Variants in ME3 observed in about 807,000 individuals in gnomAD.
The protein encoded by ME3 is malic enzyme 3, also known as NADP-dependent malic enzyme, mitochondrial.
Under a neutral mutation model 68.9 loss-of-function variants are expected in ME3, and 48 were observed. That is an observed-to-expected ratio of 0.70 (90% CI 0.55 to 0.89). The LOEUF is 0.89. Among genes scored for constraint, ME3 ranks in the 40% least tolerant of loss-of-function variants. ME3 has a pLI of 0.00. For missense variants in ME3, 675 were observed against 797.4 expected, an observed-to-expected ratio of 0.85 and a Z score of 1.85; for synonymous variants, 320 against 318.8, an observed-to-expected ratio of 1.00 and a Z score of -0.04.
chr11:86,475,682 T>A (rs1241901197), intron 7 of ME3, among the ~76,000 whole-genome samples: 1 of 151,938 alleles, frequency 6.6e-6, no homozygotes, highest in Non-Finnish European at 1.5e-5. Flanking sequence ...AATTTTCTCT[T>A]TGGGTCTCAG....
At chr11:86,443,782 T>G (rs1408386092) in intron 13 of ME3, among the ~76,000 whole-genome samples, 1 of 152,252 alleles carries the variant, frequency 6.6e-6, no homozygotes, top group East Asian at 1.9e-4. Context: ...ACTTCCATCT[T>G]TCTTTTCCAT....
chr11:86,659,449 C>A (rs553463246), intron 2 of ME3, among the ~76,000 whole-genome samples: 19 of 152,144 alleles, frequency 1.2e-4, no homozygotes, highest in Non-Finnish European at 2.8e-4. Flanking sequence ...CCCTCAGGGC[C>A]TCTGAAAACT....
At chr11:86,498,376 G>A (rs1008926389) in intron 5 of ME3, among the ~76,000 whole-genome samples, 4 of 152,198 alleles carry the variant, frequency 2.6e-5, no homozygotes, top group Non-Finnish European at 5.9e-5. Context: ...AGCTTCAGGT[G>A]GGGGCTGCAG....
At chr11:86,668,620 T>G (rs991895197) in intron 2 of ME3, among the ~76,000 whole-genome samples, 2 of 152,156 alleles carry the variant, frequency 1.3e-5, no homozygotes, top group African/African-American at 4.8e-5. Flanking sequence ...GCTTATGAGA[T>G]TCATCACAGA....
intron 2 of ME3, among the ~76,000 whole-genome samples, chr11:86,640,316 G>A (rs538040191): frequency 1.3e-5 from 2 of 152,326 alleles, no homozygotes; most frequent in African/African-American, 4.8e-5. Context: ...ATTGAAAGAA[G>A]GAGAATATGG....
At chr11:86,520,355 G>A (rs936462411) in intron 4 of ME3, among the ~76,000 whole-genome samples, 1 of 152,178 alleles carries the variant, frequency 6.6e-6, no homozygotes, top group Non-Finnish European at 1.5e-5. Flanking sequence ...TCTGCTTTGC[G>A]CCAGGCATTG....
At chr11:86,524,246 A>G (rs1954557742) in intron 4 of ME3, among the ~76,000 whole-genome samples, 1 of 152,234 alleles carries the variant, frequency 6.6e-6, no homozygotes, top group African/African-American at 2.4e-5. Context: ...CAAACATTTG[A>G]TATCCAAAGC....
intron 6 of ME3, among the ~76,000 whole-genome samples, chr11:86,489,999 G>A: frequency 6.6e-6 from 1 of 152,176 alleles, no homozygotes; most frequent in East Asian, 1.9e-4. Context: ...TCAAAGCTGG[G>A]CTGTTGGGTC....
chr11:86,548,602 T>C (rs1956496171), intron 4 of ME3, among the ~76,000 whole-genome samples: 1 of 152,196 alleles, frequency 6.6e-6, no homozygotes. Flanking sequence ...AAAGTATGTG[T>C]TTTCATTTAC....
chr11:86,596,166 T>C (rs1051107859), intron 2 of ME3, among the ~76,000 whole-genome samples: 4 of 152,224 alleles, frequency 2.6e-5, no homozygotes, highest in South Asian at 2.1e-4. Context: ...AATTACATAT[T>C]TGAAGGGATT....
intron 2 of ME3, among the ~76,000 whole-genome samples, chr11:86,669,474 C>A (rs112568887): frequency 1.3e-5 from 2 of 152,072 alleles, no homozygotes; most frequent in Non-Finnish European, 2.9e-5. Flanking sequence ...AAGAAACTTA[C>A]AATCATGGCG....
intron 2 of ME3, among the ~76,000 whole-genome samples, chr11:86,631,269 C>G (rs140681425): frequency 2.0e-5 from 3 of 152,316 alleles, no homozygotes; most frequent in African/African-American, 7.2e-5. Context: ...GCCCAGTGGT[C>G]ACAGTCCCTG....
In ME3 at chr11:86,671,441, G is replaced by T. The variant is rs560542234; in HGVS notation, c.183+321C>A. Among the ~76,000 whole-genome samples, 5 of 152,308 alleles carry T rather than the reference G, an allele frequency of 3.3e-5. No individual in the cohort carries two copies. In the South Asian group the frequency reaches 1.0e-3, roughly 32 times the overall value. On this transcript the variant is annotated intron_variant, in intron 2 of 14. Coordinates refer to ENST00000543262, the Ensembl canonical transcript of ME3. ...TAGGCTCATGTAGGTTAAATGAACT[G>T]CCCAAGACCAATAAAATTAGTAAGC...
Position 86,467,445 on chromosome 11 carries a change from C to T in ME3, c.810-2245G>A, listed in dbSNP as rs112964269. Among the ~76,000 whole-genome samples the T allele has an allele frequency of 9.8e-3, 1,485 of 152,154 alleles. 15 individuals carry two copies. Among genetic ancestry groups the T allele is most frequent in the South Asian group, 0.02 (97 of 4,812 alleles). On this transcript the variant is annotated intron_variant, in intron 7 of 14. Transcript: ENST00000543262. Reference sequence around the variant, plus strand: ...CCATGCACAAATATAATGCCATGCTCACCAAGCCAAAATTTATTGTGAATT... The same window carrying T: ...CCATGCACAAATATAATGCCATGCTTACCAAGCCAAAATTTATTGTGAATT...
At position 86,533,107 on chromosome 11, in the gene ME3, A is replaced by G. The variant is rs186607169; in HGVS notation, c.467+23446T>C. ...CTAATCTTATACCTCAAGGAACTAGAAAAAGAAAAAACTGAGCCCAAAGTT... is the reference window on the plus strand; with the variant it reads ...CTAATCTTATACCTCAAGGAACTAGGAAAAGAAAAAACTGAGCCCAAAGTT... On this transcript the variant is annotated intron_variant, in intron 4 of 14. Transcript: ENST00000543262. 2.4e-3 allele frequency among the ~76,000 whole-genome samples: 363 copies of G among 152,260 alleles called. 5 individuals are homozygous for G. The highest frequency in any genetic ancestry group is 1.5e-3 in the East Asian group (8 of 5,182).
chr11:86,617,045 GTTTTTTTT>G (rs563738961), intron 2 of ME3, among the ~76,000 whole-genome samples: 2,663 of 56,310 alleles, frequency 0.047, 122 homozygotes, highest in African/African-American at 0.14. Flanking sequence ...CAAGATAGTA[GTTTTTTTT>G]TTTTTTTTTT....
exon 10 of ME3, chr11:86,449,967 G>A: frequency 6.2e-7 from 1 of 1,613,928 alleles, no homozygotes; most frequent in Non-Finnish European, 8.5e-7. Flanking sequence ...CTTTCTCTAG[G>A]GCCATGACAA....
chr11:86,543,605 C>G (rs924407409), intron 4 of ME3, among the ~76,000 whole-genome samples: 30 of 152,190 alleles, frequency 2.0e-4, no homozygotes, highest in Admixed American at 1.8e-3. Flanking sequence ...GAAGAGCTAA[C>G]TATCCTAAAT....
At chr11:86,486,257 T>G (rs1951681283) in intron 7 of ME3, among the ~76,000 whole-genome samples, 1 of 152,248 alleles carries the variant, frequency 6.6e-6, no homozygotes, top group Non-Finnish European at 1.5e-5. Context: ...TCATTTTGTC[T>G]TTTGACAGGA....
Sources: gnomAD v4.1 joint callset for allele counts (sites outside exome capture counted in the v4.1 genomes callset) on GRCh38, gnomAD v4.1.1 for gene constraint, MANE v1.5 for transcripts, NCBI Gene and HGNC (gene_info 2026-07-23, HGNC 2026-07-21) for gene names.